The following SLC9A9 variants were observed in gnomAD, a reference collection of about 807,000 sequenced individuals.
SLC9A9 encodes the protein solute carrier family 9 member A9.
In SLC9A9, 62 loss-of-function variants were observed where a neutral mutation model predicts 77.8. That is an observed-to-expected ratio of 0.80 (90% CI 0.65 to 0.98). The LOEUF (loss-of-function observed/expected upper bound fraction) is 0.98. SLC9A9 is among the 50% of genes least tolerant of loss of function. The pLI, the probability that SLC9A9 is intolerant of heterozygous loss-of-function variation, is 0.00. For missense variants in SLC9A9, 775 were observed against 774.9 expected, an observed-to-expected ratio of 1.00 and a Z score of 0.00; for synonymous variants, 320 against 283.5, an observed-to-expected ratio of 1.13 and a Z score of -1.29.
intron 14 of SLC9A9, among the ~76,000 whole-genome samples, chr3:143,288,416 T>C (rs1475177063): frequency 6.6e-6 from 1 of 152,214 alleles, no homozygotes; most frequent in African/African-American, 2.4e-5. Flanking sequence ...TTTAAAAGAC[T>C]GCCCTTGGCC....
At chr3:143,507,308 C>T (rs772002588) in intron 9 of SLC9A9, among the ~76,000 whole-genome samples, 19 of 151,952 alleles carry the variant, frequency 1.3e-4, no homozygotes, top group Non-Finnish European at 2.4e-4. Flanking sequence ...CCTGTGTTCA[C>T]GCCATTCTCC....
chr3:143,689,287 A>G (rs1223127699), intron 5 of SLC9A9, among the ~76,000 whole-genome samples: 1 of 152,208 alleles, frequency 6.6e-6, no homozygotes, highest in African/African-American at 2.4e-5. Flanking sequence ...AAAGCTATTA[A>G]TTTCAACACC....
At chr3:143,790,033 C>G (rs749245493) in intron 4 of SLC9A9, among the ~76,000 whole-genome samples, 1 of 151,936 alleles carries the variant, frequency 6.6e-6, no homozygotes, top group Non-Finnish European at 1.5e-5. Context: ...AGGGGAGGGA[C>G]CTTGTGGGAG....
intron 5 of SLC9A9, among the ~76,000 whole-genome samples, chr3:143,671,268 C>T (rs751599774): frequency 1.3e-5 from 2 of 152,056 alleles, no homozygotes; most frequent in Non-Finnish European, 2.9e-5. Flanking sequence ...ACAGCCATTG[C>T]TTCAATAATT....
intron 14 of SLC9A9, among the ~76,000 whole-genome samples, chr3:143,355,063 A>G (rs1305631050): frequency 6.6e-6 from 1 of 152,238 alleles, no homozygotes; most frequent in Non-Finnish European, 1.5e-5. Flanking sequence ...CATAAGTGAA[A>G]CAACTGCATG....
intron 8 of SLC9A9, among the ~76,000 whole-genome samples, chr3:143,560,923 G>A (rs767812426): frequency 2.0e-5 from 3 of 152,240 alleles, no homozygotes; most frequent in Non-Finnish European, 2.9e-5. Context: ...GCTCACGCCT[G>A]TAATCCCAGC....
intron 6 of SLC9A9, among the ~76,000 whole-genome samples, chr3:143,646,569 T>C (rs933240106): frequency 3.3e-5 from 5 of 151,978 alleles, no homozygotes; most frequent in Admixed American, 6.6e-5. Context: ...CTTCATAGGG[T>C]TCCATGATAT....
At chr3:143,832,893 C>T (rs927022167) in intron 1 of SLC9A9, among the ~76,000 whole-genome samples, 9 of 152,062 alleles carry the variant, frequency 5.9e-5, no homozygotes, top group African/African-American at 1.9e-4. Flanking sequence ...TAACTCTAAA[C>T]TTCTTGCTGT....
intron 12 of SLC9A9, among the ~76,000 whole-genome samples, chr3:143,422,064 T>C (rs573390544): frequency 1.3e-5 from 2 of 152,248 alleles, no homozygotes; most frequent in East Asian, 1.9e-4. Flanking sequence ...AGAATGGCTA[T>C]GATTAAAAAG....
chr3:143,613,407 A>G (rs1331534422), intron 6 of SLC9A9, among the ~76,000 whole-genome samples: 1 of 152,240 alleles, frequency 6.6e-6, no homozygotes, highest in African/African-American at 2.4e-5. Flanking sequence ...GGCAACCAGA[A>G]TCTCCAGAAT....
At chr3:143,307,886 C>T (rs1427543295) in intron 14 of SLC9A9, among the ~76,000 whole-genome samples, 1 of 152,134 alleles carries the variant, frequency 6.6e-6, no homozygotes, top group Non-Finnish European at 1.5e-5. Context: ...CCAAATCAAC[C>T]CAGTTTGCTA....
chr3:143,441,270 C>T (rs762704347), intron 12 of SLC9A9, among the ~76,000 whole-genome samples: 8 of 152,110 alleles, frequency 5.3e-5, no homozygotes, highest in South Asian at 2.1e-4. Context: ...ATCTGCTTAA[C>T]GGATATTCTA....
chr3:143,345,990 T>C (rs2032260870), intron 14 of SLC9A9, among the ~76,000 whole-genome samples: 1 of 152,164 alleles, frequency 6.6e-6, no homozygotes, highest in Non-Finnish European at 1.5e-5. Flanking sequence ...GGAAAATAAA[T>C]GTCCTCTTTA....
At chr3:143,806,926 C>A (rs535743221) in intron 2 of SLC9A9, among the ~76,000 whole-genome samples, 2 of 152,206 alleles carry the variant, frequency 1.3e-5, no homozygotes, top group South Asian at 2.1e-4. Context: ...GAGATGGATA[C>A]CTTCACCACT....
intron 2 of SLC9A9, among the ~76,000 whole-genome samples, chr3:143,800,519 T>G (rs1483839119): frequency 6.6e-6 from 1 of 152,124 alleles, no homozygotes; most frequent in Non-Finnish European, 1.5e-5. Context: ...CAACTCACTG[T>G]TCCGTTTTTG....
chr3:143,393,699 G>A (rs950740775), intron 12 of SLC9A9, among the ~76,000 whole-genome samples: 20 of 151,982 alleles, frequency 1.3e-4, no homozygotes, highest in South Asian at 4.2e-4. Context: ...TTGATAGACC[G>A]CTAGCAAGAC....
intron 9 of SLC9A9, among the ~76,000 whole-genome samples, chr3:143,521,085 A>T (rs1175895886): frequency 6.6e-6 from 1 of 152,172 alleles, no homozygotes; most frequent in Non-Finnish European, 1.5e-5. Context: ...TTGATGAGCA[A>T]AAGTTCTTTA....
intron 9 of SLC9A9, among the ~76,000 whole-genome samples, chr3:143,519,350 AT>A (rs2036257095): frequency 2.0e-5 from 3 of 152,310 alleles, no homozygotes; most frequent in African/African-American, 7.2e-5. Flanking sequence ...CCAGGTGGAC[AT>A]TTGGAAGAGG....
chr3:143,774,906 T>C (rs1319901799), intron 4 of SLC9A9, among the ~76,000 whole-genome samples: 1 of 152,178 alleles, frequency 6.6e-6, no homozygotes, highest in African/African-American at 2.4e-5. Context: ...GTTCATTTTC[T>C]CCTCAGCTTT....
Sources: allele counts gnomAD v4.1 joint callset (sites outside exome capture counted in the v4.1 genomes callset), GRCh38; gene constraint gnomAD v4.1.1; transcripts MANE v1.5; gene names NCBI Gene and HGNC (gene_info 2026-07-23, HGNC 2026-07-21).